AJAP1: variants seen among roughly 807,000 people sequenced by gnomAD.
The protein encoded by AJAP1 is adherens junction-associated protein 1.
A neutral mutation model predicts 35.0 loss-of-function variants in AJAP1; 5 were observed. The ratio of observed to expected loss-of-function variants is 0.14; its 90% CI spans 0.07 to 0.30. The LOEUF (loss-of-function observed/expected upper bound fraction) is 0.30. Among genes scored for constraint, AJAP1 ranks in the 10% least tolerant of loss-of-function variants. The pLI, the probability that AJAP1 is intolerant of heterozygous loss-of-function variation, is 1.00. For missense variants in AJAP1, 586 were observed against 571.0 expected (o/e 1.03, Z -0.27); for synonymous variants, 284 against 249.3 (o/e 1.14, Z -1.31).
At chr1:4,769,003 T>G (rs1222041524) in intron 2 of AJAP1, among the ~76,000 whole-genome samples, 1 of 152,102 alleles carries the variant, frequency 6.6e-6, no homozygotes, top group Admixed American at 6.5e-5. Flanking sequence ...CGGGAAAGAA[T>G]CCCTGCTTTC....
chr1:4,670,369 C>T (rs895123518), intron 1 of AJAP1, among the ~76,000 whole-genome samples: 3 of 152,184 alleles, frequency 2.0e-5, no homozygotes, highest in Non-Finnish European at 4.4e-5. Flanking sequence ...GAATCTTATT[C>T]TTGGTGCCTT....
chr1:4,749,541 G>T (rs1191916262), intron 2 of AJAP1, among the ~76,000 whole-genome samples: 1 of 152,210 alleles, frequency 6.6e-6, no homozygotes, highest in African/African-American at 2.4e-5. Flanking sequence ...GGGCAACCCA[G>T]CCCTCCACGG....
intron 5 of AJAP1, among the ~76,000 whole-genome samples, chr1:4,775,811 G>A (rs1641928879): frequency 6.6e-6 from 1 of 152,242 alleles, no homozygotes; most frequent in South Asian, 2.1e-4. Flanking sequence ...CCACCATTCA[G>A]TGGGGGGATG....
At chr1:4,738,577 G>A (rs1303003519) in intron 2 of AJAP1, among the ~76,000 whole-genome samples, 1 of 152,148 alleles carries the variant, frequency 6.6e-6, no homozygotes, top group African/African-American at 2.4e-5. Flanking sequence ...GGAAGAGTAA[G>A]GAGAGGGGGT....
chr1:4,659,489 A>T (rs978156753), intron 1 of AJAP1, among the ~76,000 whole-genome samples: 1 of 152,142 alleles, frequency 6.6e-6, no homozygotes, highest in Non-Finnish European at 1.5e-5. Context: ...GCCTCGGAGC[A>T]GGGAGTGGTG....
chr1:4,708,888 T>G (rs1423717350), intron 1 of AJAP1, among the ~76,000 whole-genome samples: 1 of 152,198 alleles, frequency 6.6e-6, no homozygotes, highest in Non-Finnish European at 1.5e-5. Flanking sequence ...GCCCTCTTTT[T>G]TTTCCTCTCT....
At chr1:4,691,817 G>C (rs551006919) in intron 1 of AJAP1, among the ~76,000 whole-genome samples, 3 of 152,002 alleles carry the variant, frequency 2.0e-5, no homozygotes, top group Non-Finnish European at 4.4e-5. Context: ...CTCAGAGGGG[G>C]CCCATGACCT....
chr1:4,768,303 G>A (rs1341561167), intron 2 of AJAP1, among the ~76,000 whole-genome samples: 3 of 145,230 alleles, frequency 2.1e-5, no homozygotes, highest in Non-Finnish European at 3.1e-5. Context: ...CCATGCTCAT[G>A]TGTTTCCTCC....
intron 1 of AJAP1, among the ~76,000 whole-genome samples, chr1:4,670,152 T>A (rs1415165703): frequency 1.3e-5 from 2 of 152,140 alleles, no homozygotes; most frequent in African/African-American, 4.8e-5. Flanking sequence ...TGCAGGCTCC[T>A]TCCCCATCTC....
chr1:4,762,670 A>G (rs140823538), intron 2 of AJAP1, among the ~76,000 whole-genome samples: 226 of 152,314 alleles, frequency 1.5e-3, no homozygotes, highest in African/African-American at 5.1e-3. Flanking sequence ...GTGATAAACT[A>G]TAACCAAGAA....
Position 4,665,381 on chromosome 1 carries a change from C to T in AJAP1, c.29+9927C>T, listed in dbSNP as rs555099736. 8.5e-5 allele frequency among the ~76,000 whole-genome samples: 13 copies of T among 152,266 alleles called. No homozygotes were observed. In the East Asian group the frequency reaches 9.7e-4, roughly 11 times the overall value. On this transcript the variant is annotated intron_variant, in intron 1 of 5. Transcript: ENST00000378191. Reference sequence around the variant, plus strand: ...ATTTTGGGGACTCTTGATTAAGCCCCGGTACTGGGCTAATTTACTGCCCAT... The same window carrying T: ...ATTTTGGGGACTCTTGATTAAGCCCTGGTACTGGGCTAATTTACTGCCCAT...
intron 1 of AJAP1, among the ~76,000 whole-genome samples, chr1:4,661,717 C>T (rs970468347): frequency 6.6e-6 from 1 of 152,230 alleles, no homozygotes; most frequent in African/African-American, 2.4e-5. Flanking sequence ...CAAGTCAGCA[C>T]TTCATGGATT....
chr1:4,669,793 C>T (rs749761157), intron 1 of AJAP1, among the ~76,000 whole-genome samples: 1 of 152,170 alleles, frequency 6.6e-6, no homozygotes, highest in Non-Finnish European at 1.5e-5. Flanking sequence ...AGATAGGCTA[C>T]GTGCTGTTTG....
rs747591295 is a variant in AJAP1 at position 4,774,467 on chromosome 1, G to A, written c.1204G>A (p.Val402Met). ...SDRHLIPVAFVSEKWFEISC is the reference protein window; with the variant it reads ...SDRHLIPVAFMSEKWFEISC ...TCGGCATCTTATTCCTGTGGCCTTC[G>A]TGTCTGAGAAATGGTTTGAAATCTC... The change falls in exon 5 of 6, where the codon GTG becomes ATG. Residue 402 changes from valine (V) to methionine (M), a missense_variant. Val to Met is a conservative substitution (Grantham distance 21). Coordinates refer to ENST00000378191, the MANE Select transcript of AJAP1 (RefSeq NM_018836.4). 1.9e-6 allele frequency: 3 copies of A among 1,614,188 alleles called. No homozygotes were observed. The highest frequency in any genetic ancestry group is 8.5e-7 in the Non-Finnish European group (1 of 1,180,020).
At chr1:4,699,202 A>AC (rs1639932278) in intron 1 of AJAP1, among the ~76,000 whole-genome samples, 1 of 151,796 alleles carries the variant, frequency 6.6e-6, no homozygotes. Flanking sequence ...AACCCACCTG[A>AC]CCCCAAGCTG....
At chr1:4,753,521 C>T (rs1641364404) in intron 2 of AJAP1, among the ~76,000 whole-genome samples, 1 of 151,024 alleles carries the variant, frequency 6.6e-6, no homozygotes. Flanking sequence ...TGTCCCAGTT[C>T]CTCTTGAAAT....
intron 2 of AJAP1, among the ~76,000 whole-genome samples, chr1:4,721,620 G>A (rs1221727068): frequency 6.6e-6 from 1 of 152,196 alleles, no homozygotes; most frequent in Non-Finnish European, 1.5e-5. Flanking sequence ...ACCTCTGCAA[G>A]GAGAAAGTCA....
At chr1:4,781,632 G>A (rs1413185322) in intron 5 of AJAP1, among the ~76,000 whole-genome samples, 2 of 152,210 alleles carry the variant, frequency 1.3e-5, no homozygotes, top group Non-Finnish European at 2.9e-5. Context: ...TTCTACTGTT[G>A]AGGGTCCTGA....
At chr1:4,707,963 G>GT (rs774086340) in intron 1 of AJAP1, among the ~76,000 whole-genome samples, 2,752 of 126,090 alleles carry the variant, frequency 0.022, 97 homozygotes, top group African/African-American at 0.075. Flanking sequence ...TGGGCGGTAC[G>GT]TTTTTTTTTT....
Sources: allele counts gnomAD v4.1 joint callset (sites outside exome capture counted in the v4.1 genomes callset), GRCh38; gene constraint gnomAD v4.1.1; transcripts MANE v1.5; gene names NCBI Gene and HGNC (gene_info 2026-07-23, HGNC 2026-07-21).